Variants in KDM5B observed in about 807,000 individuals in gnomAD.
The protein encoded by KDM5B is lysine-specific demethylase 5B.
A neutral mutation model predicts 193.4 loss-of-function variants in KDM5B; 144 were observed. The observed-to-expected ratio is 0.74, with a 90% CI of 0.65 to 0.86. KDM5B has a LOEUF of 0.86. Ranked by LOEUF, KDM5B falls within the 40% of genes least tolerant of loss-of-function variation. KDM5B has a pLI of 0.00. For synonymous variants in KDM5B, 668 were observed against 682.6 expected (o/e 0.98, Z 0.33); for missense variants, 1,833 against 1,886.9 (o/e 0.97, Z 0.53).
chr1:202,779,855 G>T lies in KDM5B; in HGVS notation c.205-2761C>A, dbSNP rs1198508069. ...AATAAATAAATAAATAAAAAATAAA[G>T]GAAGAAAAAACAAAATACATGAATG... is the stretch of plus-strand genomic sequence containing the variant. On this transcript the variant is annotated intron_variant, in intron 1 of 26. Coordinates refer to ENST00000367265, the MANE Select transcript of KDM5B (RefSeq NM_006618.5). Among the ~76,000 whole-genome samples, 18 of 140,964 alleles carry T rather than the reference G, an allele frequency of 1.3e-4. No individual in the cohort carries two copies. In the East Asian group the frequency reaches 3.5e-3, roughly 28 times the overall value. The allele number at this position is 140,964 out of a possible 152,430, so 92.5% of individuals were successfully genotyped here.
chr1:202,743,855 A>C (rs1040577543), intron 16 of KDM5B, among the ~76,000 whole-genome samples: 1 of 152,256 alleles, frequency 6.6e-6, no homozygotes, highest in African/African-American at 2.4e-5. Context: ...AGAGGAATGA[A>C]AGACTTAAAT....
At chr1:202,782,520 G>A (rs1455646661) in intron 1 of KDM5B, among the ~76,000 whole-genome samples, 4 of 152,094 alleles carry the variant, frequency 2.6e-5, no homozygotes, top group Non-Finnish European at 5.9e-5. Flanking sequence ...TTTAAATGGG[G>A]GGTAGGGGAA....
chr1:202,779,350 G>A (rs190117509), intron 1 of KDM5B, among the ~76,000 whole-genome samples: 40 of 151,968 alleles, frequency 2.6e-4, no homozygotes, highest in African/African-American at 8.7e-4. Flanking sequence ...GTGGTGGCAC[G>A]CGGCTGTAGT....
rs1658381787 is a variant in KDM5B at position 202,808,058 on chromosome 1, C to T, written c.204+44G>A. On this transcript the variant is annotated intron_variant, in intron 1 of 26. Coordinates refer to ENST00000367265, the MANE Select transcript of KDM5B (RefSeq NM_006618.5). The stretch of plus-strand genomic sequence containing the variant: ...CCCCGGACCCGCGCGTCCCCGCTCC[C>T]TCCCCCAGCCACGAGCTGGATCCGG... 3.8e-6 allele frequency: 6 copies of T among 1,593,420 alleles called. No homozygotes were observed. In the Admixed American group the frequency reaches 5.1e-5, roughly 14 times the overall value.
intron 2 of KDM5B, among the ~76,000 whole-genome samples, chr1:202,776,593 C>T (rs368910735): frequency 2.0e-4 from 30 of 152,148 alleles, no homozygotes; most frequent in Admixed American, 1.1e-3. Flanking sequence ...CTTGCTCTGT[C>T]GCCCAGGCTG....
chr1:202,730,097 GA>G, intron 25 of KDM5B, 70 bp from the exon 26 acceptor site: 1 of 1,293,296 alleles, frequency 7.7e-7, no homozygotes, highest in Non-Finnish European at 1.1e-6. Flanking sequence ...TGAAGCTAAA[GA>G]GAACATGTAA....
chr1:202,731,927 G>A lies in KDM5B; in HGVS notation c.3922C>T (p.Pro1308Ser). ...GGCAAAGAAAATGATGTTGTGCCAG[G>A]AGGTTGAGATACCTAATGGAGGGAA... ...VSDTNKVSQPPGTTSFSLPDD... is the reference protein window; with the variant it reads ...VSDTNKVSQPSGTTSFSLPDD... Residue 1308 changes from proline to serine, a missense_variant, in exon 24 of 27, where the codon CCT (proline) becomes TCT (serine). This residue lies in a region of KDM5B where 1,379 missense variants were observed against 1,349.6 expected (regional missense o/e 1.02). Coordinates refer to ENST00000367265, the MANE Select transcript of KDM5B (RefSeq NM_006618.5). 1.2e-6 allele frequency: 2 copies of A among 1,611,520 alleles called. No individual in the cohort carries two copies. Among genetic ancestry groups the A allele is most frequent in the Non-Finnish European group, 1.7e-6 (2 of 1,178,506 alleles).
At chr1:202,804,386 A>C (rs770742779) in intron 1 of KDM5B, among the ~76,000 whole-genome samples, 17 of 152,338 alleles carry the variant, frequency 1.1e-4, no homozygotes, top group Middle Eastern at 3.4e-3. Flanking sequence ...CACCAAAGAA[A>C]TAGGGAAAAC....
At chr1:202,766,658 AG>A (rs1377751976) in intron 5 of KDM5B, among the ~76,000 whole-genome samples, 7 of 152,236 alleles carry the variant, frequency 4.6e-5, no homozygotes, top group Non-Finnish European at 1.0e-4. Context: ...GTAGGAACAC[AG>A]GAACACCAAT....
chr1:202,739,688 G>C (rs1293567282), intron 20 of KDM5B, among the ~76,000 whole-genome samples: 1 of 152,146 alleles, frequency 6.6e-6, no homozygotes, highest in Non-Finnish European at 1.5e-5. Context: ...TAATGAGCAT[G>C]CTGCCTTCAA....
intron 8 of KDM5B, among the ~76,000 whole-genome samples, chr1:202,759,179 C>A (rs1218547636): frequency 6.6e-6 from 1 of 152,158 alleles, no homozygotes; most frequent in Non-Finnish European, 1.5e-5. Context: ...TTAAAATAAA[C>A]CTCCTTACTA....
rs984460446 is a variant in KDM5B, at chr1:202,745,774, A to C, written c.2323+84T>G. ...CCAAGGATGAGGTCAGGCTGTTTCAAGAAATGTTTTGTTGACTTTAATTTG... is the reference window on the plus strand; with the variant it reads ...CCAAGGATGAGGTCAGGCTGTTTCACGAAATGTTTTGTTGACTTTAATTTG... On this transcript the variant is annotated intron_variant, in intron 16 of 26. Transcript: ENST00000367265. The C allele has an allele frequency of 2.0e-6, 3 of 1,498,588 alleles. No homozygotes were observed. The African/African-American group carries it at 4.1e-5, about 21-fold the overall frequency. 92.8% of individuals were successfully genotyped at this position (1,498,588 alleles called of 1,614,324 possible).
chr1:202,745,522 GTTT>G (rs943441389), intron 16 of KDM5B, among the ~76,000 whole-genome samples: 22 of 151,852 alleles, frequency 1.4e-4, no homozygotes, highest in African/African-American at 5.3e-4. Context: ...CTTTGTTTTT[GTTT>G]TTGTTTTTTT....
chr1:202,768,775 A>T (rs2363762), intron 4 of KDM5B, among the ~76,000 whole-genome samples: 113,869 of 147,182 alleles, frequency 0.77, 45,211 homozygotes, highest in Admixed American at 0.86. Context: ...TGGAGTGCAA[A>T]GGTGCAATCT....
chr1:202,755,275 G>GC lies in KDM5B; in HGVS notation c.1533dup (p.His512AlafsTer4). On this transcript the variant is annotated frameshift_variant, in exon 11 of 27. Transcript: ENST00000367265. LOFTEE classifies it high-confidence loss of function. Reference sequence around the variant, plus strand: ...GTTCTTTTTGGAACTTCTCACCAGTGCAAGTAGTTAATTGAATAGCTCCAG... The same window carrying GC: ...GTTCTTTTTGGAACTTCTCACCAGTGCCAAGTAGTTAATTGAATAGCTCCAG... 6.2e-7 allele frequency: 1 copy of GC among 1,613,532 alleles called. No homozygotes were observed. The highest frequency in any genetic ancestry group is 8.5e-7 in the Non-Finnish European group (1 of 1,179,474).
chr1:202,731,172 T>C, intron 24 of KDM5B, 109 bp from the exon 25 acceptor site: 2 of 764,664 alleles, frequency 2.6e-6, no homozygotes, highest in South Asian at 2.5e-5. Flanking sequence ...ACTACTACCC[T>C]CTCCTTCTTA....
intron 1 of KDM5B, among the ~76,000 whole-genome samples, chr1:202,791,151 T>C (rs1276890713): frequency 6.6e-6 from 1 of 152,222 alleles, no homozygotes; most frequent in South Asian, 2.1e-4. Context: ...AGCGCTGGTA[T>C]TATCAAATGC....
rs140422439 is a variant in KDM5B at position 202,735,411 on chromosome 1, G to GA, written c.3423+17dup. On this transcript the variant is annotated intron_variant, in intron 22 of 26. Transcript: ENST00000367265. Reference sequence around the variant, plus strand: ...CTTCCCAATAACATAGAAAGGAGAAGAAAAAAACCCTACATACAGCTGAAG... The same window carrying GA: ...CTTCCCAATAACATAGAAAGGAGAAGAAAAAAAACCCTACATACAGCTGAAG... 2.2e-5 allele frequency: 35 copies of GA among 1,598,386 alleles called. 1 individual carries two copies. In the South Asian group the frequency reaches 3.7e-4, roughly 17 times the overall value.
chr1:202,766,846 A>G, intron 5 of KDM5B, 80 bp downstream of exon 5: 2 of 1,437,778 alleles, frequency 1.4e-6, no homozygotes, highest in Non-Finnish European at 1.9e-6. Context: ...GAGCACACAC[A>G]TGAGAGAAAT....
Sources: allele counts gnomAD v4.1 joint callset (sites outside exome capture counted in the v4.1 genomes callset), GRCh38; gene constraint gnomAD v4.1.1; regional missense constraint gnomAD v4.1.1; transcripts MANE v1.5; gene names NCBI Gene and HGNC (gene_info 2026-07-23, HGNC 2026-07-21).